The following FSIP2 variants were observed in gnomAD, a reference collection of about 807,000 sequenced individuals.
FSIP2 encodes the protein fibrous sheath interacting protein 2, also known as fibrous sheath-interacting protein 2.
FSIP2 carries 367 observed loss-of-function variants against 510.5 expected under a neutral mutation model. The ratio of observed to expected loss-of-function variants is 0.72; its 90% CI spans 0.66 to 0.78. The LOEUF is 0.78. Among genes scored for constraint, FSIP2 ranks in the 30% least tolerant of loss-of-function variants. The pLI, the probability that FSIP2 is intolerant of heterozygous loss-of-function variation, is 0.00. For synonymous variants in FSIP2, 2,601 were observed against 2,732.2 expected (o/e 0.95, Z 1.50); for missense variants, 7,594 against 7,901.7 (o/e 0.96, Z 1.48).
Position 185,807,656 on chromosome 2 carries a change from T to A in FSIP2, c.18350T>A (p.Ile6117Lys), listed in dbSNP as rs1286988481. 6.2e-7 allele frequency: 1 copy of A among 1,612,996 alleles called. No homozygotes were observed. Among genetic ancestry groups the A allele is most frequent in the Admixed American group, 1.7e-5 (1 of 59,898 alleles). ...GGATGCAAAATCCTTTCAGAAAACA[T>A]AGTTGACTTGGTTCTACGAGAAGTG... is the stretch of plus-strand genomic sequence containing the variant. ...TSGCKILSEN[I>K]VDLVLREVAS... The change falls in exon 17 of 23, where the codon ATA becomes AAA. Residue 6117 changes from isoleucine (I) to lysine (K), a missense_variant. By Grantham distance (102) the Ile-to-Lys change is moderately radical. Transcript: ENST00000424728.
chr2:185,817,054 C>A (rs1444159013), intron 19 of FSIP2, among the ~76,000 whole-genome samples: 2 of 151,688 alleles, frequency 1.3e-5, no homozygotes, highest in Admixed American at 1.3e-4. Flanking sequence ...AGGGAAAAAA[C>A]ACATTCAAAA....
chr2:185,737,607 A>C (rs1238816693), upstream of FSIP2, among the ~76,000 whole-genome samples: 1 of 152,190 alleles, frequency 6.6e-6, no homozygotes, highest in Middle Eastern at 3.2e-3. Context: ...AAGTATCTAG[A>C]AGCATTCCTT....
Position 185,795,202 on chromosome 2 carries a change from C to T in FSIP2, c.8066C>T (p.Ala2689Val). 1 of 1,534,778 alleles carries T rather than the reference C, an allele frequency of 6.5e-7. No individual in the cohort carries two copies. The highest frequency in any genetic ancestry group is 8.7e-7 in the Non-Finnish European group (1 of 1,146,154). The change falls in exon 16 of 23, where the codon GCC (alanine) becomes GTC (valine). Residue 2689 changes from alanine to valine, a missense_variant. Physicochemically the swap from Ala to Val is moderately conservative, Grantham distance 64 (BLOSUM62 0). Transcript: ENST00000424728. ...CACTTAGGACTGAGTGCTGCTAAGG[C>T]CAAAAGCAAAACCAAGTTAGGTCCT... Reference protein sequence around the residue: ...KTHLGLSAAKAKSKTKLGPGE... With the variant: ...KTHLGLSAAKVKSKTKLGPGE...
At chr2:185,738,219 T>C (rs538744718), upstream of FSIP2, 136 of 234,022 alleles carry the variant, frequency 5.8e-4, 1 homozygote, top group African/African-American at 3.1e-3. Flanking sequence ...GCTCAATGAC[T>C]GGCCCAGAAG....
chr2:185,793,655 TGTC>T lies in FSIP2; in HGVS notation c.6520_6522del (p.Val2174del). The stretch of plus-strand genomic sequence containing the variant: ...ATAATCTCAGTTCTGCTGCCACGCT[TGTC>T]ATAAATGCAAAGAATCCTACTTCTG... On this transcript the variant is annotated inframe_deletion, in exon 16 of 23. Coordinates refer to ENST00000424728, the MANE Select transcript of FSIP2 (RefSeq NM_173651.4). 6.5e-7 allele frequency: 1 copy of T among 1,534,772 alleles called. No homozygotes were observed.
At position 185,806,786 on chromosome 2, in the gene FSIP2, C is replaced by T. The variant is rs778734784; in HGVS notation, c.17480C>T (p.Thr5827Ile). 5.6e-6 allele frequency: 9 copies of T among 1,611,862 alleles called. No homozygotes were observed. Among genetic ancestry groups the T allele is most frequent in the Non-Finnish European group, 6.8e-6 (8 of 1,178,624 alleles). Residue 5827 changes from threonine (T) to isoleucine (I), a missense_variant, in exon 17 of 23, where the codon ACT becomes ATT. Coordinates refer to ENST00000424728, the MANE Select transcript of FSIP2 (RefSeq NM_173651.4). Reference sequence around the variant, plus strand: ...CAAAATCAAGCCAAACTCTATGACACTGCTATGAAACTCATCAATTCACTG... The same window carrying T: ...CAAAATCAAGCCAAACTCTATGACATTGCTATGAAACTCATCAATTCACTG... ...DKQNQAKLYD[T>I]AMKLINSLLK...
At chr2:185,746,429 T>C (rs182766746) in intron 5 of FSIP2, among the ~76,000 whole-genome samples, 1 of 152,190 alleles carries the variant, frequency 6.6e-6, no homozygotes, top group Admixed American at 6.6e-5. Flanking sequence ...TACCATTATC[T>C]TTGCCATTAT....
At position 185,794,661 on chromosome 2, in the gene FSIP2, A is replaced by T; in HGVS notation, c.7525A>T (p.Asn2509Tyr). Residue 2509 changes from asparagine to tyrosine, a missense_variant, in exon 16 of 23, where the codon AAT becomes TAT. By Grantham distance (143) the Asn-to-Tyr change is moderately radical. Coordinates refer to ENST00000424728, the MANE Select transcript of FSIP2 (RefSeq NM_173651.4). Reference protein sequence around the residue: ...REVTGHLPPLNETANFISNSK... With the variant: ...REVTGHLPPLYETANFISNSK... Reference sequence around the variant, plus strand: ...AGTCACAGGCCATTTGCCTCCACTTAATGAAACTGCCAACTTTATATCTAA... The same window carrying T: ...AGTCACAGGCCATTTGCCTCCACTTTATGAAACTGCCAACTTTATATCTAA... 1 of 1,533,018 alleles carries T rather than the reference A, an allele frequency of 6.5e-7. No homozygotes were observed. Among genetic ancestry groups the T allele is most frequent in the Non-Finnish European group, 8.7e-7 (1 of 1,145,400 alleles). The allele number at this position is 1,533,018 out of a possible 1,614,324, so 95.0% of individuals were successfully genotyped here. A position where few individuals can be genotyped will look rare whatever the true frequency, so the allele number is the denominator to read the frequency against.
In FSIP2 at chr2:185,794,168, G is replaced by T. The variant is rs578237893; in HGVS notation, c.7032G>T (p.Ser2344=). The T allele has an allele frequency of 5.2e-6, 8 of 1,534,052 alleles. No homozygotes were observed. The highest frequency in any genetic ancestry group is 6.1e-6 in the Non-Finnish European group (7 of 1,145,676). Residue 2344 remains serine, a synonymous_variant, in exon 16 of 23, where the codon TCG becomes TCT. Coordinates refer to ENST00000424728, the MANE Select transcript of FSIP2 (RefSeq NM_173651.4). The part of the protein sequence containing the change: ...REKLGSTIHL[S]QARLKTYADV... ...AACTTGGATCCACAATTCACCTATC[G>T]CAAGCTAGGCTTAAGACATATGCTG...
Position 185,792,047 on chromosome 2 carries a change from T to TTTGCAA in FSIP2, c.4911_4912insTTGCAA (p.Ser1637_Ala1638insLeuGln), listed in dbSNP as rs761332542. ...ACACACATGAAGCATCATTTCTGTC[T>TTTGCAA]GCTTTATATATGCATGCAAAGAAGG... is the stretch of plus-strand genomic sequence containing the variant. On this transcript the variant is annotated inframe_insertion, in exon 16 of 23. Transcript: ENST00000424728. The TTTGCAA allele has an allele frequency of 1.3e-6, 2 of 1,534,102 alleles. No homozygotes were observed. Among genetic ancestry groups the TTTGCAA allele is most frequent in the South Asian group, 2.4e-5 (2 of 84,022 alleles).
rs1261206373 is a variant in FSIP2, at chr2:185,791,054, C to A, written c.3918C>A (p.Ile1306=). The change falls in exon 16 of 23, where the codon ATC becomes ATA. Residue 1306 remains isoleucine (I), a synonymous_variant. Transcript: ENST00000424728. ...AKIVNIVLCA[I]QNELELHKEN... The stretch of plus-strand genomic sequence containing the variant: ...TAGTAAACATTGTTTTATGTGCTAT[C>A]CAGAATGAACTGGAACTTCACAAGG... 2.0e-6 allele frequency: 3 copies of A among 1,532,126 alleles called. No individual in the cohort carries two copies. In the Admixed American group the frequency reaches 5.9e-5, roughly 30 times the overall value. The allele number at this position is 1,532,126 out of a possible 1,614,324, so 94.9% of individuals were successfully genotyped here.
chr2:185,792,103 C>T lies in FSIP2; in HGVS notation c.4967C>T (p.Thr1656Ile). ...AGTGCTATTTTGAAGGTTATTCAAA[C>T]AGAATTAAATGTGACCTCATCAGAT... is the stretch of plus-strand genomic sequence containing the variant. ...VSSAILKVIQ[T>I]ELNVTSSDLK... The change falls in exon 16 of 23, where the codon ACA (threonine) becomes ATA (isoleucine). Residue 1656 changes from threonine to isoleucine, a missense_variant. Physicochemically the swap from Thr to Ile is moderately conservative, Grantham distance 89. Transcript: ENST00000424728. 6.5e-7 allele frequency: 1 copy of T among 1,533,748 alleles called. No homozygotes were observed. Among genetic ancestry groups the T allele is most frequent in the Non-Finnish European group, 8.7e-7 (1 of 1,145,238 alleles).
intron 19 of FSIP2, among the ~76,000 whole-genome samples, chr2:185,822,888 A>G (rs1473318915): frequency 6.6e-6 from 1 of 151,966 alleles, no homozygotes; most frequent in Non-Finnish European, 1.5e-5. Flanking sequence ...TAAAGAGCCC[A>G]GAGATAAACT....
Position 185,789,600 on chromosome 2 carries a change from G to A in FSIP2, c.2464G>A (p.Asp822Asn), listed in dbSNP as rs1693070422. 1.3e-6 allele frequency: 2 copies of A among 1,534,820 alleles called. No individual in the cohort carries two copies. Residue 822 changes from aspartate (D) to asparagine (N), a missense_variant, in exon 16 of 23, where the codon GAC becomes AAC. Coordinates refer to ENST00000424728, the MANE Select transcript of FSIP2 (RefSeq NM_173651.4). ...GGACCCAATGTGTGATATTGCAGAG[G>A]ACATGGTGCATGCCATTTTAGAAAA... ...TLDPMCDIAE[D>N]MVHAILEKLM...
At chr2:185,748,954 A>T (rs1692089941) in intron 7 of FSIP2, among the ~76,000 whole-genome samples, 3 of 152,060 alleles carry the variant, frequency 2.0e-5, no homozygotes, top group Admixed American at 2.0e-4. Context: ...ATGTCTTATC[A>T]TAGTTTAGAT....
At chr2:185,748,537 A>G (rs1692081867) in intron 7 of FSIP2, among the ~76,000 whole-genome samples, 1 of 152,100 alleles carries the variant, frequency 6.6e-6, no homozygotes, top group Middle Eastern at 3.4e-3. Context: ...CTAAAACTGC[A>G]CATCTCTGGG....
chr2:185,765,463 G>A (rs1692451198), intron 13 of FSIP2: 1 of 151,912 alleles, frequency 6.6e-6, no homozygotes, highest in South Asian at 2.1e-4. Context: ...TAGATATGCG[G>A]CGTTATTTCT....
chr2:185,827,835 A>C (rs1387750568), intron 20 of FSIP2, among the ~76,000 whole-genome samples: 1 of 151,900 alleles, frequency 6.6e-6, no homozygotes, highest in Non-Finnish European at 1.5e-5. Context: ...CAGGTAAACA[A>C]ACAGGCTTAT....
intron 8 of FSIP2, among the ~76,000 whole-genome samples, chr2:185,754,675 C>G (rs991965015): frequency 4.6e-5 from 7 of 151,446 alleles, no homozygotes; most frequent in African/African-American, 1.7e-4. Flanking sequence ...AAGCATTTAT[C>G]AGCATCTAGA....
Sources: allele counts gnomAD v4.1 joint callset (sites outside exome capture counted in the v4.1 genomes callset), GRCh38; gene constraint gnomAD v4.1.1; transcripts MANE v1.5; gene names NCBI Gene and HGNC (gene_info 2026-07-23, HGNC 2026-07-21).